SH3PXD2A: variants seen among roughly 807,000 people sequenced by gnomAD.
SH3PXD2A encodes SH3 and PX domain-containing protein 2A.
SH3PXD2A carries 32 observed loss-of-function variants against 115.2 expected under a neutral mutation model. The observed-to-expected ratio is 0.28, with a 90% CI of 0.21 to 0.37. The LOEUF (loss-of-function observed/expected upper bound fraction) is 0.37. Among genes scored for constraint, SH3PXD2A ranks in the 10% least tolerant of loss-of-function variants. The pLI is 1.00. For missense variants in SH3PXD2A, 1,328 were observed against 1,498.7 expected (o/e 0.89, Z 1.88); for synonymous variants, 610 against 629.1 (o/e 0.97, Z 0.45).
intron 5 of SH3PXD2A, among the ~76,000 whole-genome samples, chr10:103,703,136 G>GTTTC (rs1214936375): frequency 6.6e-6 from 1 of 152,192 alleles, no homozygotes; most frequent in Non-Finnish European, 1.5e-5. Context: ...GGCTGTGCTT[G>GTTTC]TTTCTGCCTT....
At chr10:103,714,706 A>C (rs969451369) in intron 5 of SH3PXD2A, among the ~76,000 whole-genome samples, 1 of 152,214 alleles carries the variant, frequency 6.6e-6, no homozygotes, top group African/African-American at 2.4e-5. Flanking sequence ...CACAGCTCCA[A>C]GGTCCAGCTG....
intron 2 of SH3PXD2A, among the ~76,000 whole-genome samples, chr10:103,773,115 T>G (rs573600526): frequency 2.7e-5 from 4 of 150,746 alleles, no homozygotes; most frequent in East Asian, 2.0e-4. Flanking sequence ...TCGCAGCTAC[T>G]CAGGAGGCTG....
chr10:103,689,208 G>A (rs997337291), intron 6 of SH3PXD2A, among the ~76,000 whole-genome samples: 4 of 152,122 alleles, frequency 2.6e-5, no homozygotes, highest in African/African-American at 9.7e-5. Context: ...TCTAGCTGTG[G>A]TGTGGAGAAT....
At chr10:103,611,444 C>T (rs1235068622) in intron 13 of SH3PXD2A, 137 bp downstream of exon 13, 1 of 808,598 alleles carries the variant, frequency 1.2e-6, no homozygotes, top group African/African-American at 1.7e-5. Flanking sequence ...CCTAGCCCCA[C>T]AAAACTAGAA....
rs773318680 is a variant in SH3PXD2A, at chr10:103,603,191, T to G, written c.2027A>C (p.Asn676Thr). Residue 676 changes from asparagine (N) to threonine (T), a missense_variant, in exon 15 of 15, where the codon AAT (asparagine) becomes ACT (threonine). Around this residue, in one of 5 missense-constraint regions of SH3PXD2A, gnomAD observed 574 missense variants for 565.7 expected, o/e 1.01. Transcript: ENST00000369774. ...SSLLKLKAEK[N>T]AQAEMGKNHS... ...GTTCTTCCCCATTTCTGCCTGGGCATTCTTCTCTGCCTTGAGCTTTAGGAG... is the reference window on the plus strand; with the variant it reads ...GTTCTTCCCCATTTCTGCCTGGGCAGTCTTCTCTGCCTTGAGCTTTAGGAG... The G allele has an allele frequency of 6.2e-7, 1 of 1,614,128 alleles. No individual in the cohort carries two copies. Among genetic ancestry groups the G allele is most frequent in the South Asian group, 1.1e-5 (1 of 91,084 alleles).
At chr10:103,758,965 C>A (rs939963796) in intron 3 of SH3PXD2A, among the ~76,000 whole-genome samples, 27 of 152,308 alleles carry the variant, frequency 1.8e-4, no homozygotes, top group Admixed American at 9.8e-4. Flanking sequence ...ATCTCTGAGC[C>A]ACAACCTCCC....
intron 1 of SH3PXD2A, among the ~76,000 whole-genome samples, chr10:103,803,038 C>A (rs1180835040): frequency 6.6e-6 from 1 of 152,240 alleles, no homozygotes; most frequent in Non-Finnish European, 1.5e-5. Context: ...GGGTTTGCCA[C>A]AGGCGTGGTG....
chr10:103,664,485 G>A (rs1250191397), intron 7 of SH3PXD2A, among the ~76,000 whole-genome samples: 1 of 152,136 alleles, frequency 6.6e-6, no homozygotes, highest in Non-Finnish European at 1.5e-5. Flanking sequence ...ATTCTCTAAG[G>A]TCACACAGCT....
rs756702640 is a variant in SH3PXD2A, at chr10:103,602,659, C to G, written c.2559G>C (p.Lys853Asn). ...GGAAGCTGATCTCCGAGTCCTGGAC[C>G]TTCTGGTAGGCGCTGCATGTCATGT... is the stretch of plus-strand genomic sequence containing the variant. ...TSYMTCSAYQ[K>N]VQDSEISFPA... The change falls in exon 15 of 15, where the codon AAG (lysine) becomes AAC (asparagine). Residue 853 changes from lysine (K) to asparagine (N), a missense_variant. By Grantham distance (94) the Lys-to-Asn change is moderately conservative (BLOSUM62 0). Coordinates refer to ENST00000369774, the MANE Select transcript of SH3PXD2A (RefSeq NM_001394015.1). The G allele has an allele frequency of 1.2e-6, 2 of 1,614,202 alleles. No individual in the cohort carries two copies. The highest frequency in any genetic ancestry group is 1.7e-5 in the Admixed American group (1 of 60,030).
chr10:103,839,935 G>A (rs2039581177), intron 1 of SH3PXD2A, among the ~76,000 whole-genome samples: 1 of 152,392 alleles, frequency 6.6e-6, no homozygotes, highest in Middle Eastern at 3.4e-3. Context: ...AGGCCTGGGA[G>A]AGGGCATGTT....
chr10:103,790,178 G>A (rs1327549244), intron 2 of SH3PXD2A, among the ~76,000 whole-genome samples: 1 of 148,608 alleles, frequency 6.7e-6, no homozygotes, highest in Non-Finnish European at 1.5e-5. Flanking sequence ...TTTTTGAGAT[G>A]GAGTCTCGCT....
intron 2 of SH3PXD2A, among the ~76,000 whole-genome samples, chr10:103,780,155 G>A (rs960796404): frequency 2.0e-5 from 3 of 152,196 alleles, no homozygotes; most frequent in East Asian, 1.9e-4. Flanking sequence ...GACCCTCAGC[G>A]GGCCTGGGCC....
At chr10:103,701,035 TC>T (rs1192944266) in intron 5 of SH3PXD2A, among the ~76,000 whole-genome samples, 5 of 52,014 alleles carry the variant, frequency 9.6e-5, no homozygotes, top group Non-Finnish European at 1.7e-4. Context: ...CATCCATCCA[TC>T]CATCCACCAT....
At chr10:103,637,321 CCAGGCTT>C (rs1216226143) in intron 8 of SH3PXD2A, among the ~76,000 whole-genome samples, 1 of 152,176 alleles carries the variant, frequency 6.6e-6, no homozygotes, top group Non-Finnish European at 1.5e-5. Flanking sequence ...TAGATGACTT[CCAGGCTT>C]CATGTTTTCC....
intron 6 of SH3PXD2A, among the ~76,000 whole-genome samples, chr10:103,690,336 G>A (rs1411564546): frequency 6.6e-6 from 1 of 152,198 alleles, no homozygotes. Context: ...ATTAGTCAGT[G>A]TTCTCCAGAG....
chr10:103,758,868 T>C (rs148634233), intron 3 of SH3PXD2A, among the ~76,000 whole-genome samples: 2 of 152,324 alleles, frequency 1.3e-5, no homozygotes, highest in East Asian at 3.9e-4. Context: ...CTCCATCACA[T>C]AGTTTGGCTT....
intron 6 of SH3PXD2A, among the ~76,000 whole-genome samples, chr10:103,687,545 G>A (rs1461751281): frequency 6.6e-6 from 1 of 151,938 alleles, no homozygotes; most frequent in African/African-American, 2.4e-5. Context: ...TCCAACACCC[G>A]CAGTGCCTTG....
intron 3 of SH3PXD2A, among the ~76,000 whole-genome samples, chr10:103,743,854 A>G (rs2038470398): frequency 6.6e-6 from 1 of 152,260 alleles, no homozygotes; most frequent in African/African-American, 2.4e-5. Context: ...TTCCTGGAGA[A>G]TGGTACAGTG....
Position 103,665,259 on chromosome 10 carries a change from C to T in SH3PXD2A, c.472+3349G>A, listed in dbSNP as rs191344891. Among the ~76,000 whole-genome samples, 72 of 152,208 alleles carry T rather than the reference C, an allele frequency of 4.7e-4. No homozygotes were observed. The highest frequency in any genetic ancestry group is 1.9e-3 in the East Asian group (10 of 5,176). On this transcript the variant is annotated intron_variant, in intron 7 of 14. Coordinates refer to ENST00000369774, the MANE Select transcript of SH3PXD2A (RefSeq NM_001394015.1). The surrounding 1 kb of genome is among the most constrained non-coding windows in gnomAD (Gnocchi z 4.0). ...TTGTGGCCAGAAGATGCCTGGAGGA[C>T]GAGCAGGAGGTGCTGGGGAGTGGAC...
Sources: allele counts gnomAD v4.1 joint callset (sites outside exome capture counted in the v4.1 genomes callset), GRCh38; gene constraint gnomAD v4.1.1; regional missense constraint gnomAD v4.1.1; non-coding constraint Gnocchi (gnomAD v3.1); transcripts MANE v1.5; gene names NCBI Gene and HGNC (gene_info 2026-07-23, HGNC 2026-07-21).